The following UNC13B variants were observed in gnomAD, a reference collection of about 807,000 sequenced individuals.
UNC13B encodes protein unc-13 homolog B.
UNC13B carries 144 observed loss-of-function variants against 211.0 expected under a neutral mutation model. That is an observed-to-expected ratio of 0.68 (90% CI 0.60 to 0.78). The LOEUF is 0.78. Among genes scored for constraint, UNC13B ranks in the 30% least tolerant of loss-of-function variants. The probability of loss-of-function intolerance (pLI) is 0.00; values close to 1 mark genes in which losing one functional copy is unlikely to be tolerated. For synonymous variants in UNC13B, 709 were observed against 725.8 expected, an observed-to-expected ratio of 0.98 and a Z score of 0.37; for missense variants, 1,777 against 2,002.0, an observed-to-expected ratio of 0.89 and a Z score of 2.14.
chr9:35,258,914 G>A, intron 6 of UNC13B, 79 bp from the exon 7 acceptor site: 1 of 1,430,404 alleles, frequency 7.0e-7, no homozygotes, highest in Non-Finnish European at 9.6e-7. Context: ...CTTTTTATAG[G>A]TAGTTGTGAT....
chr9:35,199,456 C>T (rs1410625023), intron 1 of UNC13B, among the ~76,000 whole-genome samples: 2 of 152,172 alleles, frequency 1.3e-5, no homozygotes, highest in African/African-American at 4.8e-5. Context: ...TACAGTCCCA[C>T]CAACAGTGTA....
intron 6 of UNC13B, among the ~76,000 whole-genome samples, chr9:35,248,278 A>G (rs1826225170): frequency 6.6e-6 from 1 of 151,758 alleles, no homozygotes; most frequent in South Asian, 2.1e-4. Flanking sequence ...GCAGTCTATC[A>G]ATTTTGTTGA....
chr9:35,398,678 G>A (rs376020347), intron 32 of UNC13B, 36 bp downstream of exon 32: 160 of 1,609,906 alleles, frequency 9.9e-5, no homozygotes, highest in Non-Finnish European at 1.3e-4. Context: ...CTCAGAGCCA[G>A]ATGTGGTCCC....
At chr9:35,163,938 T>C (rs1287417783) in intron 1 of UNC13B, among the ~76,000 whole-genome samples, 2 of 152,254 alleles carry the variant, frequency 1.3e-5, no homozygotes, top group African/African-American at 4.8e-5. Context: ...GTACCTTATA[T>C]GCAGATATTC....
At chr9:35,323,447 T>C (rs7024122) in intron 11 of UNC13B, among the ~76,000 whole-genome samples, 3,909 of 152,270 alleles carry the variant, frequency 0.026, 173 homozygotes, top group African/African-American at 0.087. Flanking sequence ...TCAAGACTTA[T>C]CTTAGCCACA....
intron 3 of UNC13B, among the ~76,000 whole-genome samples, chr9:35,235,033 A>G (rs1564083182): frequency 6.6e-6 from 1 of 152,162 alleles, no homozygotes; most frequent in Non-Finnish European, 1.5e-5. Flanking sequence ...TTGTGTTTCA[A>G]TAAGAGCTTT....
chr9:35,396,222 G>A (rs930181347), intron 26 of UNC13B, among the ~76,000 whole-genome samples: 3 of 152,150 alleles, frequency 2.0e-5, no homozygotes, highest in African/African-American at 4.8e-5. Flanking sequence ...ACTTCCAAAC[G>A]CTAGAGCAAA....
Position 35,391,543 on chromosome 9 carries a change from T to C in UNC13B, c.11308+829T>C, listed in dbSNP as rs1435384914. On this transcript the variant is annotated intron_variant, in intron 26 of 39. Transcript: ENST00000635942. ...TGAGTCTTGAGATTGAAAGAAACCT[T>C]GAAGATCTGTGTTACATTTGAGCCA... is the stretch of plus-strand genomic sequence containing the variant. Among the ~76,000 whole-genome samples the C allele has an allele frequency of 3.3e-5, 5 of 152,150 alleles. No homozygotes were observed. The East Asian group carries it at 9.6e-4, about 29-fold the overall frequency.
chr9:35,244,069 T>C (rs1354518406), intron 6 of UNC13B, among the ~76,000 whole-genome samples: 1 of 152,018 alleles, frequency 6.6e-6, no homozygotes, highest in Non-Finnish European at 1.5e-5. Flanking sequence ...ATTGAAGTCA[T>C]AGGAATGGAA....
chr9:35,340,671 T>C (rs1428709450), intron 11 of UNC13B, among the ~76,000 whole-genome samples: 4 of 152,298 alleles, frequency 2.6e-5, no homozygotes, highest in Admixed American at 2.6e-4. Context: ...ACTGTTGGCC[T>C]AAGGAGGAAG....
At chr9:35,379,841 C>A (rs1834699479) in intron 17 of UNC13B, among the ~76,000 whole-genome samples, 1 of 152,222 alleles carries the variant, frequency 6.6e-6, no homozygotes, top group Admixed American at 6.5e-5. Context: ...CCAGTTACAA[C>A]TTTTGGGTGA....
At chr9:35,338,846 T>C (rs1378960201) in intron 11 of UNC13B, among the ~76,000 whole-genome samples, 1 of 152,222 alleles carries the variant, frequency 6.6e-6, no homozygotes, top group Non-Finnish European at 1.5e-5. Flanking sequence ...GCATATTCTT[T>C]GCTTCTAGAC....
At position 35,403,441 on chromosome 9, in the gene UNC13B, G is replaced by A. The variant is rs1010395139; in HGVS notation, c.12579G>A (p.Val4193=). The A allele has an allele frequency of 1.2e-6, 2 of 1,613,398 alleles. No homozygotes were observed. Among genetic ancestry groups the A allele is most frequent in the Non-Finnish European group, 8.5e-7 (1 of 1,179,964 alleles). Residue 4193 remains valine (V), a splice_region_variant and synonymous_variant, in exon 39 of 40, where the codon GTG becomes GTA. Coordinates refer to ENST00000635942, the MANE Select transcript of UNC13B (RefSeq NM_001371189.2). ...GTGEHKVTVK[V]VAANDLKWQT... ...CACAGGTTTCCCTTGTTTGGGCAGT[G>A]GTGGCTGCCAATGACCTCAAGTGGC...
At chr9:35,168,970 G>A (rs952383114) in intron 1 of UNC13B, among the ~76,000 whole-genome samples, 2 of 152,048 alleles carry the variant, frequency 1.3e-5, no homozygotes, top group Non-Finnish European at 2.9e-5. Context: ...CACTGTGCCC[G>A]ACTGCATTTT....
chr9:35,381,427 T>A, intron 19 of UNC13B, 129 bp from the exon 20 acceptor site: 4 of 1,220,920 alleles, frequency 3.3e-6, no homozygotes, highest in Non-Finnish European at 4.5e-6. Flanking sequence ...CAGGAGGAAC[T>A]GAGCAATGAC....
intron 7 of UNC13B, among the ~76,000 whole-genome samples, chr9:35,284,963 T>C (rs1320523491): frequency 2.0e-5 from 3 of 152,214 alleles, no homozygotes; most frequent in Non-Finnish European, 4.4e-5. Flanking sequence ...ATTGTAGACC[T>C]TACTTTTTAA....
intron 5 of UNC13B, among the ~76,000 whole-genome samples, chr9:35,240,019 T>G (rs745744072): frequency 3.3e-5 from 5 of 152,204 alleles, no homozygotes; most frequent in Non-Finnish European, 7.3e-5. Flanking sequence ...ATTAAGAGAT[T>G]AAAGTAAAGA....
intron 9 of UNC13B, among the ~76,000 whole-genome samples, chr9:35,310,220 CA>C (rs1166869471): frequency 6.6e-6 from 1 of 152,162 alleles, no homozygotes; most frequent in Non-Finnish European, 1.5e-5. Flanking sequence ...AAATATACTT[CA>C]AAGTCAAGTG....
At chr9:35,184,684 G>A (rs1176174943) in intron 1 of UNC13B, among the ~76,000 whole-genome samples, 2 of 147,954 alleles carry the variant, frequency 1.4e-5, no homozygotes, top group Non-Finnish European at 3.0e-5. Context: ...GTCCAGCCTC[G>A]ACAACAGAGG....
Sources: allele counts gnomAD v4.1 joint callset (sites outside exome capture counted in the v4.1 genomes callset), GRCh38; gene constraint gnomAD v4.1.1; transcripts MANE v1.5; gene names NCBI Gene and HGNC (gene_info 2026-07-23, HGNC 2026-07-21).